Variants in SEC14L5 observed in about 807,000 individuals in gnomAD.
The protein encoded by SEC14L5 is SEC14-like protein 5.
In SEC14L5, 96 loss-of-function variants were observed where a neutral mutation model predicts 84.6. That is an observed-to-expected ratio of 1.13 (90% CI 0.96 to 1.34). The LOEUF is 1.34. SEC14L5 is among the 40% of genes most tolerant of loss of function. The pLI, the probability that SEC14L5 is intolerant of heterozygous loss-of-function variation, is 0.00. For synonymous variants in SEC14L5, 546 were observed against 383.4 expected (o/e 1.42, Z -4.95); for missense variants, 1,224 against 942.5 (o/e 1.30, Z -3.91).
intron 5 of SEC14L5, 92 bp downstream of exon 5, chr16:4,990,987 T>TG: frequency 9.4e-7 from 1 of 1,066,258 alleles, no homozygotes; most frequent in Admixed American, 3.1e-5. Flanking sequence ...ACCCTTACCC[T>TG]TCCTGGGCTC....
intron 14 of SEC14L5, chr16:5,010,815 T>G (rs1327771949): frequency 4.8e-6 from 2 of 417,928 alleles, no homozygotes; most frequent in African/African-American, 2.0e-5. Context: ...AAAATCCAGG[T>G]GTTTAAGCAC....
chr16:5,009,023 A>C (rs114122078), intron 14 of SEC14L5, among the ~76,000 whole-genome samples: 181 of 152,284 alleles, frequency 1.2e-3, no homozygotes, highest in African/African-American at 3.9e-3. Flanking sequence ...TAAAACAACA[A>C]AAATTTATTG....
chr16:4,972,476 C>T (rs146378212), intron 2 of SEC14L5, among the ~76,000 whole-genome samples: 9 of 152,304 alleles, frequency 5.9e-5, no homozygotes, highest in African/African-American at 1.7e-4. Context: ...ACCCATGAAA[C>T]ACTAACTCTC....
rs1275724656 is a variant in SEC14L5, at chr16:5,011,246, G to A, written c.1952G>A (p.Cys651Tyr). The change falls in exon 15 of 16, where the codon TGT (cysteine) becomes TAT (tyrosine). Residue 651 changes from cysteine to tyrosine, a missense_variant. Cys to Tyr is a radical substitution (Grantham distance 194). Coordinates refer to ENST00000251170, the MANE Select transcript of SEC14L5 (RefSeq NM_014692.2). ...PGPKCKLLYY[C>Y]EVLASEDFRG... ...CCCAAGTGCAAACTTCTCTACTACT[G>A]TGAGGTGCTCGCCTCTGAGGACTTC... 6.2e-7 allele frequency: 1 copy of A among 1,613,864 alleles called. No individual in the cohort carries two copies. Among genetic ancestry groups the A allele is most frequent in the Admixed American group, 1.7e-5 (1 of 60,018 alleles).
chr16:5,007,404 A>G lies in SEC14L5; in HGVS notation c.1490A>G (p.Glu497Gly), dbSNP rs1365779536. Residue 497 changes from glutamate (E) to glycine (G), a missense_variant, in exon 13 of 16, where the codon GAG becomes GGG. Glu to Gly is a moderately conservative substitution (Grantham distance 98). Transcript: ENST00000251170. ...CCCAAGTCCCTCTACATGACAGAAG[A>G]GGAGCAGGAGCACACGGACCAGCTG... ...LVPKSLYMTE[E>G]EQEHTDQLWQ... is the part of the protein sequence containing the mutation. 1 of 1,613,824 alleles carries G rather than the reference A, an allele frequency of 6.2e-7. No homozygotes were observed.
Position 5,015,616 on chromosome 16 carries a change from C to A in SEC14L5, c.*646C>A, listed in dbSNP as rs1432436752. 1 of 152,828 alleles carries A rather than the reference C, an allele frequency of 6.5e-6. No individual in the cohort carries two copies. The highest frequency in any genetic ancestry group is 2.4e-5 in the African/African-American group (1 of 41,470). The allele number at this position is 152,828 out of a possible 1,614,324, so 9.5% of individuals were successfully genotyped here. ...ATCTCTGGAACCAACCACCTGCTCT[C>A]AAAAGCACTAGTGGGTGCCTCGAGG... On this transcript the variant is annotated 3_prime_UTR_variant, in exon 16 of 16. Coordinates refer to ENST00000251170, the MANE Select transcript of SEC14L5 (RefSeq NM_014692.2).
intron 2 of SEC14L5, among the ~76,000 whole-genome samples, chr16:4,984,586 G>C (rs929138070): frequency 1.3e-5 from 2 of 152,132 alleles, no homozygotes; most frequent in African/African-American, 4.8e-5. Flanking sequence ...GTAACTCTTT[G>C]TTTAATTGTT....
At chr16:4,964,809 C>A (rs1164806069) in intron 2 of SEC14L5, among the ~76,000 whole-genome samples, 2 of 151,870 alleles carry the variant, frequency 1.3e-5, no homozygotes, top group African/African-American at 4.8e-5. Flanking sequence ...TGGCTCACTG[C>A]AACCTTTGTC....
intron 2 of SEC14L5, among the ~76,000 whole-genome samples, chr16:4,979,660 G>A (rs901338418): frequency 1.3e-5 from 2 of 152,254 alleles, no homozygotes; most frequent in East Asian, 1.9e-4. Context: ...CAGTTCTCCC[G>A]GGGCCTGGAG....
At chr16:5,004,587 G>A (rs1375648512) in intron 11 of SEC14L5, among the ~76,000 whole-genome samples, 1 of 152,096 alleles carries the variant, frequency 6.6e-6, no homozygotes, top group Non-Finnish European at 1.5e-5. Flanking sequence ...GACAGGGGTG[G>A]GGGCAGGGAG....
intron 2 of SEC14L5, among the ~76,000 whole-genome samples, chr16:4,986,146 T>C (rs955427603): frequency 3.3e-5 from 5 of 151,826 alleles, no homozygotes; most frequent in African/African-American, 1.2e-4. Flanking sequence ...CTTCTTCTTT[T>C]TTTTTTTTTT....
At chr16:4,961,355 G>A (rs763278815) in intron 2 of SEC14L5, among the ~76,000 whole-genome samples, 5 of 152,150 alleles carry the variant, frequency 3.3e-5, no homozygotes, top group Non-Finnish European at 2.9e-5. Context: ...TCCAGACTGA[G>A]TCTCACTCTG....
chr16:4,998,737 CAAAAAAAAA>C (rs60494025), intron 8 of SEC14L5, among the ~76,000 whole-genome samples: 1 of 94,036 alleles, frequency 1.1e-5, no homozygotes, highest in Non-Finnish European at 2.0e-5. Flanking sequence ...GACTCCGTCT[CAAAAAAAAA>C]AAAAAAAAAA....
In SEC14L5 at chr16:4,987,676, G is replaced by A. The variant is rs1234254317; in HGVS notation, c.183G>A (p.Leu61=). The change falls in exon 3 of 16, where the codon CTG becomes CTA. Residue 61 remains leucine, a synonymous_variant. Transcript: ENST00000251170. ...ACGTGGTGGAGCGGAGCTGCCGGCT[G>A]CGCGTGGACGCCCCGCGGCTGCTGC... ...AVHVVERSCR[L]RVDAPRLLRK... The A allele has an allele frequency of 3.2e-6, 5 of 1,540,650 alleles. No individual in the cohort carries two copies. Among genetic ancestry groups the A allele is most frequent in the East Asian group, 5.1e-5 (2 of 39,286 alleles).
intron 10 of SEC14L5, 82 bp from the exon 11 acceptor site, chr16:5,003,320 C>T: frequency 9.1e-7 from 1 of 1,097,844 alleles, no homozygotes; most frequent in Non-Finnish European, 1.4e-6. Context: ...TCGGAGCCTC[C>T]CTGTTCATCC....
chr16:5,007,125 C>A (rs938420841), intron 12 of SEC14L5, among the ~76,000 whole-genome samples: 2 of 152,138 alleles, frequency 1.3e-5, no homozygotes, highest in African/African-American at 4.8e-5. Context: ...GGGCGAGTGG[C>A]CTGACTTGCC....
intron 8 of SEC14L5, 54 bp downstream of exon 8, chr16:4,997,098 G>A (rs1383099852): frequency 4.6e-6 from 6 of 1,315,120 alleles, no homozygotes; most frequent in Non-Finnish European, 5.2e-6. Flanking sequence ...ACTGCCAAAT[G>A]CACTTTATTT....
At chr16:4,978,503 T>C (rs1955376983) in intron 2 of SEC14L5, among the ~76,000 whole-genome samples, 1 of 142,378 alleles carries the variant, frequency 7.0e-6, no homozygotes, top group Non-Finnish European at 1.5e-5. Context: ...ATTGCAGCCT[T>C]GACCTTCTAT....
rs920096725 is a variant in SEC14L5, at chr16:4,996,400, C to G, written c.720C>G (p.Pro240=). 6.4e-7 allele frequency: 1 copy of G among 1,573,388 alleles called. No individual in the cohort carries two copies. The highest frequency in any genetic ancestry group is 1.4e-5 in the African/African-American group (1 of 73,910). ...YIERCLGHLT[P]MQESCLIQLR... ...AGAGGTGCCTGGGCCACCTCACGCC[C>G]ATGCAGGAGAGCTGCCTGATCCAGC... Residue 240 remains proline (P), a synonymous_variant, in exon 7 of 16, where the codon CCC becomes CCG. Coordinates refer to ENST00000251170, the MANE Select transcript of SEC14L5 (RefSeq NM_014692.2).
Sources: gnomAD v4.1 joint callset for allele counts (sites outside exome capture counted in the v4.1 genomes callset) on GRCh38, gnomAD v4.1.1 for gene constraint, MANE v1.5 for transcripts, NCBI Gene and HGNC (gene_info 2026-07-23, HGNC 2026-07-21) for gene names.